Variants in TRIML1 observed in about 807,000 individuals in gnomAD.
TRIML1 encodes probable E3 ubiquitin-protein ligase TRIML1.
A neutral mutation model predicts 32.3 loss-of-function variants in TRIML1; 34 were observed. The observed-to-expected ratio is 1.05, with a 90% CI of 0.80 to 1.40. TRIML1 has a LOEUF of 1.40. Ranked by LOEUF, TRIML1 falls within the 40% of genes most tolerant of loss-of-function variation. The pLI, the probability that TRIML1 is intolerant of heterozygous loss-of-function variation, is 0.00. For synonymous variants in TRIML1, 244 were observed against 226.6 expected, an observed-to-expected ratio of 1.08 and a Z score of -0.69; for missense variants, 595 against 574.9, an observed-to-expected ratio of 1.03 and a Z score of -0.36.
downstream of TRIML1, among the ~76,000 whole-genome samples, chr4:188,149,824 G>A (rs898245874): frequency 6.6e-6 from 1 of 152,080 alleles, no homozygotes; most frequent in African/African-American, 2.4e-5. Context: ...ATTTATTTGA[G>A]ATGGAGTCTG....
upstream of TRIML1, among the ~76,000 whole-genome samples, chr4:188,139,083 T>C (rs1248918644): frequency 6.6e-6 from 1 of 152,218 alleles, no homozygotes; most frequent in African/African-American, 2.4e-5. Context: ...GTTTTATTAG[T>C]GGAGTTCCCA....
downstream of TRIML1, among the ~76,000 whole-genome samples, chr4:188,149,271 C>T (rs546204866): frequency 2.4e-4 from 36 of 152,018 alleles, no homozygotes; most frequent in African/African-American, 8.4e-4. Flanking sequence ...AGAATGTCCC[C>T]GGTCACAGAG....
Position 188,140,546 on chromosome 4 carries a change from C to G in TRIML1, c.427C>G (p.Leu143Val), listed in dbSNP as rs1297067506. ...ATTGCAGGAGAAACTCCAGGAAATC[C>G]TGAATCTTTTGCGTGTAAGGAGAAA... ...EHHREKLQEILNLLRVRRKEA... is the reference protein window; with the variant it reads ...EHHREKLQEIVNLLRVRRKEA... Residue 143 changes from leucine to valine, a missense_variant, in exon 2 of 6, where the codon CTG becomes GTG. Transcript: ENST00000332517. 6.2e-7 allele frequency: 1 copy of G among 1,614,012 alleles called. No individual in the cohort carries two copies. The highest frequency in any genetic ancestry group is 1.1e-5 in the South Asian group (1 of 91,078).
chr4:188,138,235 T>G (rs1734721568), upstream of TRIML1, among the ~76,000 whole-genome samples: 1 of 152,058 alleles, frequency 6.6e-6, no homozygotes, highest in Admixed American at 6.6e-5. Context: ...GAAAACTTCT[T>G]TTTCCCAAAG....
Position 188,140,435 on chromosome 4 carries a change from AGAGGCCTAG to A in TRIML1, c.409-90_409-82del. ...CCGCACCCAGCCTGCCCTTTGTTTTAGAGGCCTAGGACTGCGCAGTTACTGGTCTTCAAA... is the reference window on the plus strand; with the variant it reads ...CCGCACCCAGCCTGCCCTTTGTTTTAGACTGCGCAGTTACTGGTCTTCAAA... On this transcript the variant is annotated intron_variant, in intron 1 of 5. Transcript: ENST00000332517. The A allele has an allele frequency of 5.0e-6, 5 of 992,054 alleles. No homozygotes were observed. The Admixed American group carries it at 1.0e-4, about 20-fold the overall frequency. The allele number at this position is 992,054 out of a possible 1,614,324, so 61.5% of individuals were successfully genotyped here. A position where few individuals can be genotyped will look rare whatever the true frequency, so the allele number is the denominator to read the frequency against.
Position 188,144,548 on chromosome 4 carries a change from C to G in TRIML1, c.856+415C>G, listed in dbSNP as rs377260947. On this transcript the variant is annotated intron_variant, in intron 5 of 5. Coordinates refer to ENST00000332517, the MANE Select transcript of TRIML1 (RefSeq NM_178556.5). Reference sequence around the variant, plus strand: ...TGGGTAATTTTTTGTATTTTTAGTACAGACGGGGTTTCACTGTGTTAGCCA... The same window carrying G: ...TGGGTAATTTTTTGTATTTTTAGTAGAGACGGGGTTTCACTGTGTTAGCCA... Among the ~76,000 whole-genome samples the G allele has an allele frequency of 7.1e-3, 855 of 119,822 alleles. 33 individuals are homozygous for G. The highest frequency in any genetic ancestry group is 0.011 in the East Asian group (54 of 4,810). The allele number at this position is 119,822 out of a possible 152,430, so 78.6% of individuals were successfully genotyped here.
Position 188,144,512 on chromosome 4 carries a change from G to A in TRIML1, c.856+379G>A, listed in dbSNP as rs1028551809. Among the ~76,000 whole-genome samples, 60 of 141,960 alleles carry A rather than the reference G, an allele frequency of 4.2e-4. 2 individuals are homozygous for A. Among genetic ancestry groups the A allele is most frequent in the South Asian group, 1.2e-3 (5 of 4,070 alleles). The allele number at this position is 141,960 out of a possible 152,430, so 93.1% of individuals were successfully genotyped here. On this transcript the variant is annotated intron_variant, in intron 5 of 5. Transcript: ENST00000332517. ...CGAGTAGCTGGGACTACAGGCGCCC[G>A]CCACCACGCCTGGGTAATTTTTTGT...
intron 5 of TRIML1, 71 bp downstream of exon 5, chr4:188,144,204 A>C: frequency 7.4e-7 from 1 of 1,343,682 alleles, no homozygotes; most frequent in East Asian, 2.4e-5. Flanking sequence ...TTCCAGTGTC[A>C]GACATTCACG....
At chr4:188,139,993 C>T in intron 1 of TRIML1, 27 bp downstream of exon 1, 2 of 1,560,958 alleles carry the variant, frequency 1.3e-6, no homozygotes, top group South Asian at 2.4e-5. Flanking sequence ...GCATGAACCC[C>T]ACGACTCATC....
At position 188,141,165 on chromosome 4, in the gene TRIML1, G is replaced by GTTTTTTTTTTT. The variant is rs58714915; in HGVS notation, c.504+551_504+561dup. Among the ~76,000 whole-genome samples the GTTTTTTTTTTT allele has an allele frequency of 8.6e-3, 1,025 of 118,746 alleles. 49 individuals are homozygous for GTTTTTTTTTTT. The highest frequency in any genetic ancestry group is 0.01 in the African/African-American group (347 of 33,358). 77.9% of individuals were successfully genotyped at this position (118,746 alleles called of 152,430 possible). ...ATTCTCCCAATAGACTTTGAAATCT[G>GTTTTTTTTTTT]TTTTTTTTTTTTTTTTTTTGGAGAT... On this transcript the variant is annotated intron_variant, in intron 2 of 5. Transcript: ENST00000332517.
chr4:188,137,916 CT>C (rs1298700958), upstream of TRIML1, among the ~76,000 whole-genome samples: 6 of 131,524 alleles, frequency 4.6e-5, no homozygotes, highest in East Asian at 4.3e-4. Context: ...CCTGGCCAAA[CT>C]TTTTTTCTTT....
Position 188,147,481 on chromosome 4 carries a change from C to T in TRIML1, c.*109C>T, listed in dbSNP as rs1735133569. 1 of 979,496 alleles carries T rather than the reference C, an allele frequency of 1.0e-6. No individual in the cohort carries two copies. Among genetic ancestry groups the T allele is most frequent in the Non-Finnish European group, 1.4e-6 (1 of 735,388 alleles). 60.7% of individuals were successfully genotyped at this position (979,496 alleles called of 1,614,324 possible). ...ATGTCAGGTGATCTGAAATAAACTC[C>T]CGTAACCCCACCCCACCCCCAAGAG... On this transcript the variant is annotated 3_prime_UTR_variant, in exon 6 of 6. Coordinates refer to ENST00000332517, the MANE Select transcript of TRIML1 (RefSeq NM_178556.5).
rs766875683 is a variant in TRIML1, at chr4:188,140,006, A to G, written c.408+40A>G. 2.6e-5 allele frequency: 40 copies of G among 1,542,886 alleles called. No individual in the cohort carries two copies. In the Admixed American group the frequency reaches 2.7e-4, roughly 10 times the overall value. On this transcript the variant is annotated intron_variant, in intron 1 of 5. Transcript: ENST00000332517. ...CAGCATGAACCCCACGACTCATCGCAGCTAACTCCGTTAGCTTTCCTGACG... is the reference window on the plus strand; with the variant it reads ...CAGCATGAACCCCACGACTCATCGCGGCTAACTCCGTTAGCTTTCCTGACG...
chr4:188,141,165 G>GT (rs58714915), intron 2 of TRIML1, among the ~76,000 whole-genome samples: 4,068 of 118,770 alleles, frequency 0.034, 385 homozygotes, highest in South Asian at 0.24. Context: ...TTTGAAATCT[G>GT]TTTTTTTTTT....
chr4:188,147,216 T>TA lies in TRIML1; in HGVS notation c.1252dup (p.Ile418AsnfsTer9). 6.2e-7 allele frequency: 1 copy of TA among 1,613,218 alleles called. No homozygotes were observed. The highest frequency in any genetic ancestry group is 8.5e-7 in the Non-Finnish European group (1 of 1,179,720). ...TCTTCCTGGACTATGAATCTGGACA[T>TA]ATAGCATTCTACAACGGGACGGATG... On this transcript the variant is annotated frameshift_variant, in exon 6 of 6. Coordinates refer to ENST00000332517, the MANE Select transcript of TRIML1 (RefSeq NM_178556.5). LOFTEE classifies it high-confidence loss of function.
intron 5 of TRIML1, among the ~76,000 whole-genome samples, chr4:188,144,635 T>G (rs1427817091): frequency 1.3e-5 from 2 of 152,002 alleles, no homozygotes; most frequent in South Asian, 2.1e-4. Context: ...GTGCTGGGAT[T>G]ACAGGCGTGA....
At position 188,146,919 on chromosome 4, in the gene TRIML1, C is replaced by T. The variant is rs374096380; in HGVS notation, c.954C>T (p.Pro318=). 2.3e-5 allele frequency: 34 copies of T among 1,494,436 alleles called. No individual in the cohort carries two copies. The African/African-American group carries it at 2.5e-4, about 11-fold the overall frequency. The allele number at this position is 1,494,436 out of a possible 1,614,324, so 92.6% of individuals were successfully genotyped here. The change falls in exon 6 of 6, where the codon CCC becomes CCT. Residue 318 remains proline (P), a synonymous_variant. Coordinates refer to ENST00000332517, the MANE Select transcript of TRIML1 (RefSeq NM_178556.5). ...VKYGGSRQQL[P]DNPERFDQSA... is the part of the protein sequence containing the mutation. ...ATGGGGGAAGCAGACAGCAGCTACC[C>T]GACAACCCGGAAAGATTTGACCAGT...
downstream of TRIML1, among the ~76,000 whole-genome samples, chr4:188,149,372 G>A (rs1735191920): frequency 6.6e-6 from 1 of 152,110 alleles, no homozygotes; most frequent in Admixed American, 6.6e-5. Context: ...ACTCCAGACT[G>A]TGTTATTACT....
At chr4:188,145,079 G>C (rs1735018337) in intron 5 of TRIML1, among the ~76,000 whole-genome samples, 1 of 152,080 alleles carries the variant, frequency 6.6e-6, no homozygotes, top group Admixed American at 6.6e-5. Flanking sequence ...AAATTGAGGA[G>C]GAAGGCATTA....
Sources: gnomAD v4.1 joint callset for allele counts (sites outside exome capture counted in the v4.1 genomes callset) on GRCh38, gnomAD v4.1.1 for gene constraint, MANE v1.5 for transcripts, NCBI Gene and HGNC (gene_info 2026-07-23, HGNC 2026-07-21) for gene names.